BAZ2B: variants seen among roughly 807,000 people sequenced by gnomAD.
The protein encoded by BAZ2B is bromodomain adjacent to zinc finger domain 2B, also known as bromodomain adjacent to zinc finger domain protein 2B.
In BAZ2B, 91 loss-of-function variants were observed where a neutral mutation model predicts 246.0. That is an observed-to-expected ratio of 0.37 (90% CI 0.31 to 0.44). The LOEUF is 0.44. Among genes scored for constraint, BAZ2B ranks in the 20% least tolerant of loss-of-function variants. The pLI is 1.00. For missense variants in BAZ2B, 2,332 were observed against 2,533.7 expected, an observed-to-expected ratio of 0.92 and a Z score of 1.71; for synonymous variants, 855 against 860.0, an observed-to-expected ratio of 0.99 and a Z score of 0.10.
the BAZ2B span, among the ~76,000 whole-genome samples, chr2:159,642,489 T>G: frequency 1.8e-4 from 27 of 152,060 alleles, no homozygotes; most frequent in Non-Finnish European, 3.1e-4. Flanking sequence ...TCCACCCGCC[T>G]CGGCCTCCCA....
chr2:159,496,070 G>C (rs1049333914), intron 2 of BAZ2B, among the ~76,000 whole-genome samples: 1 of 147,600 alleles, frequency 6.8e-6, no homozygotes, highest in African/African-American at 2.5e-5. Flanking sequence ...CGCCCAGCCA[G>C]AAGAAATACT....
intron 3 of BAZ2B, among the ~76,000 whole-genome samples, chr2:159,477,899 T>C (rs2078796629): frequency 6.6e-6 from 1 of 152,218 alleles, no homozygotes; most frequent in Non-Finnish European, 1.5e-5. Context: ...CTTGGTTCAC[T>C]GCAATCTCCA....
At chr2:159,397,230 GCAGAAATTATAT>G (rs2064160808) in intron 19 of BAZ2B, 103 bp downstream of exon 19, 11 of 1,233,032 alleles carry the variant, frequency 8.9e-6, no homozygotes, top group Non-Finnish European at 1.2e-5. Flanking sequence ...AAAAACTTAA[GCAGAAATTATAT>G]CAGAAATTTT....
chr2:159,632,425 T>C, the BAZ2B span, among the ~76,000 whole-genome samples: 1 of 152,130 alleles, frequency 6.6e-6, no homozygotes, highest in Admixed American at 6.6e-5. Context: ...ATAAATATCT[T>C]CAAACATAAA....
At chr2:159,549,633 A>G (rs2151432608) in intron 2 of BAZ2B, among the ~76,000 whole-genome samples, 1 of 152,230 alleles carries the variant, frequency 6.6e-6, no homozygotes, top group South Asian at 2.1e-4. Context: ...AAATCTCATA[A>G]TGTTTTGATA....
At chr2:159,566,563 C>A (rs1354940238) in intron 1 of BAZ2B, among the ~76,000 whole-genome samples, 3 of 152,166 alleles carry the variant, frequency 2.0e-5, no homozygotes, top group Non-Finnish European at 4.4e-5. Context: ...TAATTCACCA[C>A]CTTACAACAG....
the BAZ2B span, among the ~76,000 whole-genome samples, chr2:159,688,890 G>A: frequency 6.6e-6 from 1 of 152,164 alleles, no homozygotes; most frequent in Non-Finnish European, 1.5e-5. Flanking sequence ...GAATCCTGTC[G>A]AGATGCATGC....
chr2:159,333,359 T>A (rs1010040137), intron 33 of BAZ2B, among the ~76,000 whole-genome samples: 1 of 152,096 alleles, frequency 6.6e-6, no homozygotes, highest in East Asian at 1.9e-4. Flanking sequence ...TCATTATTTA[T>A]TTTTTTAGAA....
At chr2:159,619,540 AAAT>A (rs1176524886), upstream of BAZ2B, among the ~76,000 whole-genome samples, 25 of 150,740 alleles carry the variant, frequency 1.7e-4, no homozygotes, top group Admixed American at 1.7e-3. Flanking sequence ...ATTTCAATAA[AAAT>A]AATAAAAACT....
the BAZ2B span, among the ~76,000 whole-genome samples, chr2:159,687,130 T>TG: frequency 1.3e-5 from 2 of 151,964 alleles, no homozygotes; most frequent in African/African-American, 4.8e-5. Flanking sequence ...TACAGTAACT[T>TG]GCTGTACTAT....
At chr2:159,551,698 T>C (rs2088277344) in intron 2 of BAZ2B, among the ~76,000 whole-genome samples, 1 of 152,170 alleles carries the variant, frequency 6.6e-6, no homozygotes, top group Non-Finnish European at 1.5e-5. Flanking sequence ...CTATAAATGC[T>C]ATTTAGACAC....
At chr2:159,646,570 A>G in the BAZ2B span, among the ~76,000 whole-genome samples, 1 of 152,226 alleles carries the variant, frequency 6.6e-6, no homozygotes, top group African/African-American at 2.4e-5. Context: ...ATTTATGTTC[A>G]GAGATTGCAG....
At chr2:159,494,242 G>C (rs2080826396) in intron 2 of BAZ2B, among the ~76,000 whole-genome samples, 1 of 152,000 alleles carries the variant, frequency 6.6e-6, no homozygotes, top group African/African-American at 2.4e-5. Context: ...CCCATTCAAG[G>C]TCATGAAATC....
chr2:159,364,845 TTCTTA>T (rs1467760560), intron 27 of BAZ2B, among the ~76,000 whole-genome samples: 1 of 152,168 alleles, frequency 6.6e-6, no homozygotes, highest in African/African-American at 2.4e-5. Context: ...CAGGTTGCAT[TTCTTA>T]TACAAGAACA....
intron 27 of BAZ2B, among the ~76,000 whole-genome samples, chr2:159,361,553 A>T (rs1323679096): frequency 6.6e-6 from 1 of 152,234 alleles, no homozygotes; most frequent in African/African-American, 2.4e-5. Context: ...TGATTCCTCA[A>T]GGATCTACAA....
intron 2 of BAZ2B, among the ~76,000 whole-genome samples, chr2:159,495,006 T>A (rs989637738): frequency 6.6e-6 from 1 of 152,166 alleles, no homozygotes; most frequent in Non-Finnish European, 1.5e-5. Context: ...TAGAAGATGG[T>A]ATTATATAAA....
At chr2:159,501,165 TA>T (rs1407510047) in intron 2 of BAZ2B, among the ~76,000 whole-genome samples, 15 of 102,406 alleles carry the variant, frequency 1.5e-4, no homozygotes, top group African/African-American at 3.0e-4. Context: ...TATAAATATA[TA>T]ATATATATTA....
At chr2:159,570,138 C>T (rs1683600129) in intron 1 of BAZ2B, among the ~76,000 whole-genome samples, 10 of 151,812 alleles carry the variant, frequency 6.6e-5, no homozygotes, top group Admixed American at 5.9e-4. Context: ...TACTTAGAAA[C>T]CAAATTCACT....
At chr2:159,586,808 T>A (rs967098305) in intron 1 of BAZ2B, among the ~76,000 whole-genome samples, 2 of 152,132 alleles carry the variant, frequency 1.3e-5, no homozygotes, top group African/African-American at 4.8e-5. Context: ...TTGCATAATA[T>A]AAACTCTAAA....
Sources: allele counts gnomAD v4.1 joint callset (sites outside exome capture counted in the v4.1 genomes callset), GRCh38; gene constraint gnomAD v4.1.1; transcripts MANE v1.5; gene names NCBI Gene and HGNC (gene_info 2026-07-23, HGNC 2026-07-21).